RARB: variants seen among roughly 807,000 people sequenced by gnomAD.
The protein encoded by RARB is HBV-activated protein.
Under a neutral mutation model 51.9 loss-of-function variants are expected in RARB, and 17 were observed. That is an observed-to-expected ratio of 0.33 (90% CI 0.22 to 0.49). The LOEUF is 0.49. Among genes scored for constraint, RARB ranks in the 20% least tolerant of loss-of-function variants. The pLI, the probability that RARB is intolerant of heterozygous loss-of-function variation, is 0.99. For synonymous variants in RARB, 215 were observed against 195.4 expected (o/e 1.10, Z -0.84); for missense variants, 369 against 550.8 (o/e 0.67, Z 3.30).
At chr3:25,486,864 A>G (rs1339814016) in intron 2 of RARB, among the ~76,000 whole-genome samples, 2 of 152,210 alleles carry the variant, frequency 1.3e-5, no homozygotes, top group African/African-American at 4.8e-5. Flanking sequence ...TATTTCAATC[A>G]GGTTCCAGTC....
rs112631211 is a variant in RARB at position 25,573,245 on chromosome 3, C to A, written c.609+3327C>A. 6.7e-3 allele frequency among the ~76,000 whole-genome samples: 1,018 copies of A among 152,280 alleles called. 13 individuals carry two copies. The highest frequency in any genetic ancestry group is 0.023 in the African/African-American group (973 of 41,564). ...ATCTCCTCCCACATAAACTATCGTGCATTCCAATTCTAGTCTCAGCCTCGG... is the reference window on the plus strand; with the variant it reads ...ATCTCCTCCCACATAAACTATCGTGAATTCCAATTCTAGTCTCAGCCTCGG... On this transcript the variant is annotated intron_variant, in intron 4 of 7. Transcript: ENST00000330688.
At chr3:25,019,936 C>G (rs761605599) in intron 2 of RARB, among the ~76,000 whole-genome samples, 1 of 152,030 alleles carries the variant, frequency 6.6e-6, no homozygotes, top group Non-Finnish European at 1.5e-5. Context: ...CTTTCATACT[C>G]TTAACCCTGG....
chr3:25,276,563 A>G (rs1703387213), intron 5 of RARB, among the ~76,000 whole-genome samples: 1 of 152,230 alleles, frequency 6.6e-6, no homozygotes, highest in Non-Finnish European at 1.5e-5. Context: ...GAAACTACTC[A>G]AAGAAATTCT....
At chr3:24,845,306 G>T (rs1450122272) in intron 1 of RARB, among the ~76,000 whole-genome samples, 5 of 152,190 alleles carry the variant, frequency 3.3e-5, no homozygotes, top group Non-Finnish European at 7.3e-5. Flanking sequence ...AATGTGACGT[G>T]ATATGTAGAA....
At chr3:24,902,772 G>T (rs1203734025) in intron 2 of RARB, among the ~76,000 whole-genome samples, 1 of 152,174 alleles carries the variant, frequency 6.6e-6, no homozygotes, top group African/African-American at 2.4e-5. Context: ...TGGTAAAAAT[G>T]AGTCTAATTT....
chr3:25,464,738 T>A (rs1387765088), intron 2 of RARB, among the ~76,000 whole-genome samples: 1 of 152,014 alleles, frequency 6.6e-6, no homozygotes, highest in African/African-American at 2.4e-5. Flanking sequence ...AAATAGAAAA[T>A]TAAAACAACC....
intron 5 of RARB, among the ~76,000 whole-genome samples, chr3:25,198,799 G>T (rs1701311187): frequency 6.6e-6 from 1 of 152,030 alleles, no homozygotes; most frequent in Non-Finnish European, 1.5e-5. Flanking sequence ...ACAAATGCTG[G>T]TGAGGATGTG....
At chr3:25,122,224 T>G (rs1264393242) in intron 3 of RARB, among the ~76,000 whole-genome samples, 3 of 152,080 alleles carry the variant, frequency 2.0e-5, no homozygotes, top group African/African-American at 7.2e-5. Flanking sequence ...CAAAAATCAG[T>G]GTTGAGGTTG....
At chr3:25,150,167 C>G (rs1358100251) in intron 4 of RARB, among the ~76,000 whole-genome samples, 1 of 150,770 alleles carries the variant, frequency 6.6e-6, no homozygotes, top group Non-Finnish European at 1.5e-5. Context: ...CATCACTGCA[C>G]TCCAGCCTGG....
At chr3:25,550,220 ATTAG>A (rs1345638445) in intron 3 of RARB, among the ~76,000 whole-genome samples, 1 of 152,196 alleles carries the variant, frequency 6.6e-6, no homozygotes, top group Admixed American at 6.5e-5. Flanking sequence ...TTTTGAAAAT[ATTAG>A]TTCTTGAGAC....
At chr3:25,422,748 A>T (rs1707894799) in intron 5 of RARB, among the ~76,000 whole-genome samples, 1 of 152,092 alleles carries the variant, frequency 6.6e-6, no homozygotes, top group South Asian at 2.1e-4. Flanking sequence ...TCTTCATGAG[A>T]TACACAAGTT....
chr3:25,503,330 T>A (rs1575466818), intron 3 of RARB, among the ~76,000 whole-genome samples: 1 of 152,246 alleles, frequency 6.6e-6, no homozygotes, highest in African/African-American at 2.4e-5. Flanking sequence ...TAGACATGGA[T>A]GGCACACAGC....
At chr3:25,446,493 C>T (rs561681266) in intron 1 of RARB, among the ~76,000 whole-genome samples, 1 of 152,242 alleles carries the variant, frequency 6.6e-6, no homozygotes, top group East Asian at 1.9e-4. Context: ...ACAAAATTTG[C>T]AGACCCTGCC....
At chr3:25,588,479 G>A (rs547847877) in intron 5 of RARB, among the ~76,000 whole-genome samples, 37 of 152,306 alleles carry the variant, frequency 2.4e-4, no homozygotes, top group South Asian at 1.4e-3. Context: ...AGATTTGTGT[G>A]CAGCTCCAGG....
intron 5 of RARB, among the ~76,000 whole-genome samples, chr3:25,245,344 T>C (rs1437338879): frequency 1.3e-5 from 2 of 152,210 alleles, no homozygotes; most frequent in Non-Finnish European, 2.9e-5. Context: ...GATCCTGTCA[T>C]TATGATGCTA....
At chr3:25,191,502 CTT>C (rs1701102792) in intron 5 of RARB, among the ~76,000 whole-genome samples, 1 of 152,064 alleles carries the variant, frequency 6.6e-6, no homozygotes, top group African/African-American at 2.4e-5. Context: ...TTCTGAGTAA[CTT>C]TGTTAAATGA....
chr3:25,151,927 T>C (rs1018642911), intron 4 of RARB, among the ~76,000 whole-genome samples: 24 of 152,210 alleles, frequency 1.6e-4, no homozygotes, highest in African/African-American at 5.8e-4. Context: ...ATTTTTTTTT[T>C]TAAAGTACAA....
At chr3:24,900,241 T>A (rs1030884676) in intron 2 of RARB, among the ~76,000 whole-genome samples, 2 of 152,152 alleles carry the variant, frequency 1.3e-5, no homozygotes, top group African/African-American at 4.8e-5. Context: ...TCCCTGGCTT[T>A]AGGATGAAGG....
chr3:25,146,885 T>C (rs1344804984), intron 4 of RARB, among the ~76,000 whole-genome samples: 1 of 152,182 alleles, frequency 6.6e-6, no homozygotes, highest in Non-Finnish European at 1.5e-5. Context: ...GTACTGCATA[T>C]GGGCTTCCAT....
Sources: allele counts gnomAD v4.1 joint callset (sites outside exome capture counted in the v4.1 genomes callset), GRCh38; gene constraint gnomAD v4.1.1; transcripts MANE v1.5; gene names NCBI Gene and HGNC (gene_info 2026-07-23, HGNC 2026-07-21).